Variants in CRHR1 observed in about 807,000 individuals in gnomAD.
The protein encoded by CRHR1 is corticotropin releasing hormone receptor 1.
Under a neutral mutation model 56.0 loss-of-function variants are expected in CRHR1, and 28 were observed. The observed-to-expected ratio is 0.50, with a 90% CI of 0.37 to 0.69. The LOEUF (loss-of-function observed/expected upper bound fraction) is 0.69. CRHR1 is among the 30% of genes least tolerant of loss of function. CRHR1 has a pLI of 0.00. For synonymous variants in CRHR1, 195 were observed against 216.5 expected (o/e 0.90, Z 0.87); for missense variants, 376 against 548.0 (o/e 0.69, Z 3.13).
intron 4 of CRHR1, among the ~76,000 whole-genome samples, 168 bp downstream of exon 4, chr17:45,821,608 C>A (rs1043359236): frequency 6.6e-5 from 10 of 152,220 alleles, no homozygotes; most frequent in Admixed American, 2.6e-4. Flanking sequence ...GGCCCATGAG[C>A]AGGCGCCCTC....
At chr17:45,796,572 C>T (rs1246047128) in intron 1 of CRHR1, among the ~76,000 whole-genome samples, 1 of 152,218 alleles carries the variant, frequency 6.6e-6, no homozygotes, top group African/African-American at 2.4e-5. Flanking sequence ...AGGAGCATGG[C>T]TCCAATCCCA....
At chr17:45,829,950 A>ACCTCCCTGTGTGACTTGGCCAGT in intron 5 of CRHR1, 144 bp from the exon 6 acceptor site, 1 of 1,313,840 alleles carries the variant, frequency 7.6e-7, no homozygotes, top group Non-Finnish European at 1.1e-6. Flanking sequence ...CCTGGCTGTC[A>ACCTCCCTGTGTGACTTGGCCAGT]CCTCCCTGTG....
At chr17:45,806,987 T>C (rs1555651388) in intron 1 of CRHR1, 23 bp from the exon 2 acceptor site, 2 of 1,609,050 alleles carry the variant, frequency 1.2e-6, no homozygotes, top group East Asian at 2.2e-5. Context: ...GCCTAATGTG[T>C]CCTTCGCCTC....
chr17:45,816,615 G>A, intron 3 of CRHR1, 33 bp downstream of exon 3: 4 of 1,613,510 alleles, frequency 2.5e-6, no homozygotes, highest in Non-Finnish European at 3.4e-6. Context: ...ACCATCTGCT[G>A]GGAGGTGGGA....
chr17:45,816,684 T>C (rs954333679), intron 3 of CRHR1, 102 bp downstream of exon 3: 19 of 1,551,466 alleles, frequency 1.2e-5, no homozygotes, highest in Non-Finnish European at 1.6e-5. Flanking sequence ...ATAACAGTAA[T>C]ACCTCTTGTG....
chr17:45,816,108 G>A (rs1273610694), intron 2 of CRHR1, among the ~76,000 whole-genome samples: 3 of 152,162 alleles, frequency 2.0e-5, no homozygotes, highest in Non-Finnish European at 4.4e-5. Flanking sequence ...CACCATGCGA[G>A]GGACCAAGAG....
intron 1 of CRHR1, among the ~76,000 whole-genome samples, chr17:45,793,170 G>A (rs888162270): frequency 3.3e-5 from 5 of 152,266 alleles, no homozygotes; most frequent in Non-Finnish European, 5.9e-5. Context: ...CAAGGGCTAC[G>A]CGGCAGCGCG....
rs1207347521 is a variant in CRHR1 at position 45,824,939 on chromosome 17, G to A, written c.327+3499G>A. ...ACCCGCCCCACCCCCCAGCCCATCC[G>A]TGCCTGGCTCTGCCATCTCTTTCCT... On this transcript the variant is annotated intron_variant, in intron 4 of 12. Coordinates refer to ENST00000314537, the MANE Select transcript of CRHR1 (RefSeq NM_004382.5). 2.0e-5 allele frequency among the ~76,000 whole-genome samples: 3 copies of A among 151,500 alleles called. 1 individual carries two copies. The South Asian group carries it at 6.3e-4, about 32-fold the overall frequency.
intron 2 of CRHR1, among the ~76,000 whole-genome samples, chr17:45,811,213 G>A (rs2061817099): frequency 6.6e-6 from 1 of 152,346 alleles, no homozygotes; most frequent in African/African-American, 2.4e-5. Context: ...AACCTACCTG[G>A]GGGAAGAAGC....
chr17:45,802,494 G>A lies in CRHR1; in HGVS notation c.34-4516G>A, dbSNP rs940320948. Among the ~76,000 whole-genome samples the A allele has an allele frequency of 2.6e-5, 4 of 152,312 alleles. No individual in the cohort carries two copies. In the East Asian group the frequency reaches 7.7e-4, roughly 29 times the overall value. On this transcript the variant is annotated intron_variant, in intron 1 of 12. Transcript: ENST00000314537. Reference sequence around the variant, plus strand: ...ATGGTGAAGAGGAGATCAGCGGATGGTGGGAGGAAAAATGCAGGAAATCTC... The same window carrying A: ...ATGGTGAAGAGGAGATCAGCGGATGATGGGAGGAAAAATGCAGGAAATCTC...
chr17:45,790,396 C>G (rs908913615), intron 1 of CRHR1, among the ~76,000 whole-genome samples: 1 of 152,158 alleles, frequency 6.6e-6, no homozygotes, highest in South Asian at 2.1e-4. Flanking sequence ...ATGAAACAGG[C>G]ATGTCAGAAT....
intron 3 of CRHR1, among the ~76,000 whole-genome samples, chr17:45,817,646 AGAG>A (rs1420652557): frequency 6.6e-6 from 1 of 152,218 alleles, no homozygotes; most frequent in Non-Finnish European, 1.5e-5. Context: ...GGGCTACAGC[AGAG>A]GAGTAGGAAG....
rs1368847214 is a variant in CRHR1, at chr17:45,833,818, T to A, written c.1034T>A (p.Ile345Asn). 1.2e-6 allele frequency: 2 copies of A among 1,613,562 alleles called. No homozygotes were observed. The highest frequency in any genetic ancestry group is 1.3e-5 in the African/African-American group (1 of 74,834). The change falls in exon 11 of 13, where the codon ATC (isoleucine) becomes AAC (asparagine). Residue 345 changes from isoleucine (I) to asparagine (N), a missense_variant. This residue lies in a region of CRHR1 where 369 missense variants were observed against 519.5 expected (regional missense o/e 0.71). Coordinates refer to ENST00000314537, the MANE Select transcript of CRHR1 (RefSeq NM_004382.5). Reference protein sequence around the residue: ...GEDEVSRVVFIYFNSFLESFQ... With the variant: ...GEDEVSRVVFNYFNSFLESFQ... Reference sequence around the variant, plus strand: ...GATGAGGTCTCCCGGGTCGTCTTCATCTACTTCAACTCCTTCCTGGAATCC... The same window carrying A: ...GATGAGGTCTCCCGGGTCGTCTTCAACTACTTCAACTCCTTCCTGGAATCC...
chr17:45,810,545 G>A (rs2146317920), intron 2 of CRHR1, among the ~76,000 whole-genome samples: 1 of 152,268 alleles, frequency 6.6e-6, no homozygotes. Flanking sequence ...ACTGCGTTAT[G>A]CGGCCACTCA....
Position 45,834,782 on chromosome 17 carries a change from C to G in CRHR1, c.*18C>G, listed in dbSNP as rs757684261. 6.2e-7 allele frequency: 1 copy of G among 1,613,300 alleles called. No individual in the cohort carries two copies. The highest frequency in any genetic ancestry group is 2.2e-5 in the East Asian group (1 of 44,872). On this transcript the variant is annotated 3_prime_UTR_variant, in exon 13 of 13. Transcript: ENST00000314537. ...CAGTCTGAGCTGGCAGGTCATGGAG[C>G]AGCCCCCAAAGAGCTGTGGCTGGGG...
chr17:45,794,385 T>C (rs2061480493), intron 1 of CRHR1, among the ~76,000 whole-genome samples: 1 of 152,238 alleles, frequency 6.6e-6, no homozygotes, highest in African/African-American at 2.4e-5. Flanking sequence ...ACCCTTTGAA[T>C]AGCACGGGCC....
Position 45,830,941 on chromosome 17 carries a change from G to C in CRHR1, c.770+1G>C. ...GGAAGCTGTACTACGACAATGAGAA[G>C]TAAGTCATCTCCTTTCCCTTCCTGA... On this transcript the variant is annotated splice_donor_variant, in intron 8 of 12. Transcript: ENST00000314537. LOFTEE classifies it high-confidence loss of function. The C allele has an allele frequency of 6.2e-7, 1 of 1,613,796 alleles. No individual in the cohort carries two copies. The highest frequency in any genetic ancestry group is 8.5e-7 in the Non-Finnish European group (1 of 1,179,832).
chr17:45,803,775 T>TGTGTGTGC (rs71138510), intron 1 of CRHR1, among the ~76,000 whole-genome samples: 3,376 of 150,336 alleles, frequency 0.022, 120 homozygotes, highest in African/African-American at 0.072. Context: ...TGTGTGTGTG[T>TGTGTGTGC]GCGTGCGCGT....
rs951637702 is a variant in CRHR1, at chr17:45,830,111, G to A, written c.452G>A (p.Arg151Gln). 1.2e-6 allele frequency: 2 copies of A among 1,614,084 alleles called. No individual in the cohort carries two copies. Among genetic ancestry groups the A allele is most frequent in the South Asian group, 1.1e-5 (1 of 91,068 alleles). The stretch of plus-strand genomic sequence containing the variant: ...TGCACCAGGAGCATCCGGTGCCTGC[G>A]AAACATCATCCACTGGAACCTCATC... ...FLRLRSIRCL[R>Q]NIIHWNLISA... Residue 151 changes from arginine (R) to glutamine (Q), a missense_variant, in exon 6 of 13, where the codon CGA becomes CAA. This residue lies in a region of CRHR1 where 369 missense variants were observed against 519.5 expected (regional missense o/e 0.71). Coordinates refer to ENST00000314537, the MANE Select transcript of CRHR1 (RefSeq NM_004382.5).
Sources: allele counts gnomAD v4.1 joint callset (sites outside exome capture counted in the v4.1 genomes callset), GRCh38; gene constraint gnomAD v4.1.1; regional missense constraint gnomAD v4.1.1; transcripts MANE v1.5; gene names NCBI Gene and HGNC (gene_info 2026-07-23, HGNC 2026-07-21).